The following ADARB2 variants were observed in gnomAD, a reference collection of about 807,000 sequenced individuals.
The protein encoded by ADARB2 is inactive double-stranded RNA-specific editase B2.
ADARB2 carries 25 observed loss-of-function variants against 62.2 expected under a neutral mutation model. The observed-to-expected ratio is 0.40, with a 90% CI of 0.29 to 0.56. The LOEUF (loss-of-function observed/expected upper bound fraction) is 0.56. Ranked by LOEUF, ADARB2 falls within the 20% of genes least tolerant of loss-of-function variation. The probability of loss-of-function intolerance (pLI) is 0.43; values close to 1 mark genes in which losing one functional copy is unlikely to be tolerated. For synonymous variants in ADARB2, 572 were observed against 500.8 expected (o/e 1.14, Z -1.90); for missense variants, 1,071 against 1,077.4 (o/e 0.99, Z 0.08).
chr10:1,273,878 C>A (rs1014424346), intron 3 of ADARB2, among the ~76,000 whole-genome samples: 4 of 152,186 alleles, frequency 2.6e-5, no homozygotes, highest in Admixed American at 1.3e-4. Flanking sequence ...GCAGCCCTGG[C>A]TCTGGGACCG....
At chr10:1,365,949 G>A (rs1001914922) in intron 2 of ADARB2, among the ~76,000 whole-genome samples, 4 of 152,216 alleles carry the variant, frequency 2.6e-5, no homozygotes, top group Admixed American at 2.0e-4. Flanking sequence ...GACTATGTCT[G>A]TATGCTTCAA....
intron 3 of ADARB2, among the ~76,000 whole-genome samples, chr10:1,319,328 C>T (rs1210931528): frequency 6.6e-6 from 1 of 152,092 alleles, no homozygotes; most frequent in Non-Finnish European, 1.5e-5. Context: ...AGAAAAATAG[C>T]ACAGAAGAGC....
At chr10:1,227,310 C>G (rs572363637) in intron 6 of ADARB2, among the ~76,000 whole-genome samples, 1 of 152,346 alleles carries the variant, frequency 6.6e-6, no homozygotes, top group East Asian at 1.9e-4. Flanking sequence ...TCTGTCACCC[C>G]TTTCTTTGAC....
At chr10:1,543,345 A>C (rs1226822127) in intron 1 of ADARB2, among the ~76,000 whole-genome samples, 1 of 152,192 alleles carries the variant, frequency 6.6e-6, no homozygotes, top group Non-Finnish European at 1.5e-5. Flanking sequence ...CCTGCAATTA[A>C]TATGCTGGGA....
At chr10:1,453,541 C>T (rs963635098) in intron 1 of ADARB2, among the ~76,000 whole-genome samples, 25 of 152,088 alleles carry the variant, frequency 1.6e-4, no homozygotes, top group Admixed American at 1.3e-3. Context: ...TGAATGGTCT[C>T]GGTACCCTTT....
intron 1 of ADARB2, among the ~76,000 whole-genome samples, chr10:1,419,620 C>G (rs1832836092): frequency 6.6e-6 from 1 of 152,162 alleles, no homozygotes; most frequent in African/African-American, 2.4e-5. Flanking sequence ...GTAAATTAAG[C>G]CTGATATAGA....
At chr10:1,273,966 G>T (rs1384206282) in intron 3 of ADARB2, among the ~76,000 whole-genome samples, 4 of 152,214 alleles carry the variant, frequency 2.6e-5, no homozygotes, top group African/African-American at 9.7e-5. Flanking sequence ...GCTTGTGCTG[G>T]GCCTTGACTT....
intron 1 of ADARB2, among the ~76,000 whole-genome samples, chr10:1,434,163 A>G (rs1221671325): frequency 6.6e-6 from 1 of 152,172 alleles, no homozygotes; most frequent in Admixed American, 6.5e-5. Flanking sequence ...AAATAACACG[A>G]AGATTCAGGT....
chr10:1,373,689 C>G (rs142149270), intron 2 of ADARB2, among the ~76,000 whole-genome samples: 14 of 152,322 alleles, frequency 9.2e-5, no homozygotes, highest in African/African-American at 3.1e-4. Flanking sequence ...GCACAGCTCC[C>G]CTGCCCTCTT....
At chr10:1,435,736 T>G (rs1405326661) in intron 1 of ADARB2, among the ~76,000 whole-genome samples, 7 of 152,240 alleles carry the variant, frequency 4.6e-5, no homozygotes, top group African/African-American at 1.4e-4. Flanking sequence ...TGTCCCTGGC[T>G]GCCACCTGCC....
At chr10:1,392,402 G>C (rs1359286739) in intron 1 of ADARB2, among the ~76,000 whole-genome samples, 2 of 152,116 alleles carry the variant, frequency 1.3e-5, no homozygotes, top group African/African-American at 2.4e-5. Flanking sequence ...GCCTCCCTCA[G>C]GCTTGACCCA....
In ADARB2 at chr10:1,267,137, A is replaced by G. The variant is rs375355634; in HGVS notation, c.1192+3818T>C. ...CTAAACATATTCTTAAATCCAAGTT[A>G]AAAAAAAAAAAAAAACCTTTCCCCC... is the stretch of plus-strand genomic sequence containing the variant. On this transcript the variant is annotated intron_variant, in intron 4 of 9. Coordinates refer to ENST00000381312, the MANE Select transcript of ADARB2 (RefSeq NM_018702.4). Among the ~76,000 whole-genome samples the G allele has an allele frequency of 5.2e-3, 586 of 113,746 alleles. 4 individuals are homozygous for G. Among genetic ancestry groups the G allele is most frequent in the Middle Eastern group, 0.036 (9 of 250 alleles). 74.6% of individuals were successfully genotyped at this position (113,746 alleles called of 152,430 possible). A position where few individuals can be genotyped will look rare whatever the true frequency, so the allele number is the denominator to read the frequency against.
At chr10:1,692,781 T>C (rs1484456899) in intron 1 of ADARB2, among the ~76,000 whole-genome samples, 1 of 152,180 alleles carries the variant, frequency 6.6e-6, no homozygotes, top group Non-Finnish European at 1.5e-5. Flanking sequence ...CAGTGGACTG[T>C]CAGAATAAGA....
intron 6 of ADARB2, 109 bp from the exon 7 acceptor site, chr10:1,217,228 G>C: frequency 8.6e-7 from 1 of 1,160,124 alleles, no homozygotes; most frequent in Non-Finnish European, 1.2e-6. Context: ...CCTCACCATG[G>C]CTGGGCGTTT....
intron 5 of ADARB2, 26 bp downstream of exon 5, chr10:1,242,105 C>T: frequency 1.9e-6 from 3 of 1,580,694 alleles, no homozygotes; most frequent in East Asian, 2.3e-5. Context: ...GTCCGCCTTC[C>T]CTGGAGCCCG....
intron 3 of ADARB2, among the ~76,000 whole-genome samples, chr10:1,329,452 G>C (rs1372079520): frequency 6.6e-6 from 1 of 152,198 alleles, no homozygotes; most frequent in East Asian, 1.9e-4. Context: ...GTCCATGTGC[G>C]AAGGCTGTGG....
chr10:1,193,966 TTTTG>T (rs561552712), intron 8 of ADARB2, among the ~76,000 whole-genome samples: 51 of 152,326 alleles, frequency 3.3e-4, no homozygotes, highest in African/African-American at 1.2e-3. Context: ...TTTGGATGCT[TTTTG>T]TTTGTCTTGG....
At chr10:1,379,184 G>A in intron 1 of ADARB2, 24 bp from the exon 2 acceptor site, 2 of 1,573,942 alleles carry the variant, frequency 1.3e-6, no homozygotes, top group Non-Finnish European at 1.7e-6. Context: ...AACAGGAAAT[G>A]CACTTTTGAC....
chr10:1,598,199 C>T (rs1240825557), intron 1 of ADARB2, among the ~76,000 whole-genome samples: 4 of 150,370 alleles, frequency 2.7e-5, no homozygotes, highest in Admixed American at 1.3e-4. Context: ...GTGGGTGCAC[C>T]GAGACATTCC....
Sources: allele counts gnomAD v4.1 joint callset (sites outside exome capture counted in the v4.1 genomes callset), GRCh38; gene constraint gnomAD v4.1.1; transcripts MANE v1.5; gene names NCBI Gene and HGNC (gene_info 2026-07-23, HGNC 2026-07-21).